Variants in PLCL1 observed in about 807,000 individuals in gnomAD.
PLCL1 encodes phospholipase C like 1 (inactive), also known as inactive phospholipase C-like protein 1.
In PLCL1, 41 loss-of-function variants were observed where a neutral mutation model predicts 84.4. The ratio of observed to expected loss-of-function variants is 0.49; its 90% CI spans 0.38 to 0.63. The LOEUF (loss-of-function observed/expected upper bound fraction) is 0.63. PLCL1 is among the 30% of genes least tolerant of loss of function. The pLI is 0.00. For missense variants in PLCL1, 1,206 were observed against 1,367.8 expected (o/e 0.88, Z 1.87); for synonymous variants, 490 against 488.3 (o/e 1.00, Z -0.05).
intron 1 of PLCL1, among the ~76,000 whole-genome samples, chr2:197,809,210 G>C (rs1390529528): frequency 6.6e-6 from 1 of 152,142 alleles, no homozygotes; most frequent in African/African-American, 2.4e-5. Flanking sequence ...AGGAGCTTTC[G>C]TACGTTTGTA....
chr2:198,114,637 C>T (rs1364543672), intron 5 of PLCL1, among the ~76,000 whole-genome samples: 1 of 151,734 alleles, frequency 6.6e-6, no homozygotes, highest in Non-Finnish European at 1.5e-5. Context: ...ACATTGATAA[C>T]CAAATTGTTT....
intron 1 of PLCL1, among the ~76,000 whole-genome samples, chr2:198,030,652 A>C (rs1473663492): frequency 1.3e-5 from 2 of 152,190 alleles, no homozygotes; most frequent in African/African-American, 2.4e-5. Flanking sequence ...CATGTCATTA[A>C]TGCTGTTAGT....
At chr2:197,962,268 T>C (rs567896326) in intron 1 of PLCL1, among the ~76,000 whole-genome samples, 100 of 152,130 alleles carry the variant, frequency 6.6e-4, no homozygotes, top group African/African-American at 2.3e-3. Flanking sequence ...CCACTTGCAG[T>C]TTGGGACATT....
At chr2:198,127,081 C>T (rs1694006941) in intron 5 of PLCL1, among the ~76,000 whole-genome samples, 1 of 151,904 alleles carries the variant, frequency 6.6e-6, no homozygotes, top group South Asian at 2.1e-4. Flanking sequence ...TTCTCTCTCC[C>T]ATGTTATTTC....
Position 198,083,923 on chromosome 2 carries a change from A to G in PLCL1, c.406A>G (p.Thr136Ala). 6.2e-7 allele frequency: 1 copy of G among 1,614,126 alleles called. No individual in the cohort carries two copies. The highest frequency in any genetic ancestry group is 8.5e-7 in the Non-Finnish European group (1 of 1,179,994). Residue 136 changes from threonine to alanine, a missense_variant, in exon 2 of 6, where the codon ACT becomes GCT. Physicochemically the swap from Thr to Ala is moderately conservative, Grantham distance 58 (BLOSUM62 0). Transcript: ENST00000428675. ...PNSRIYNRFFTLDTDLQALRW... is the reference protein window; with the variant it reads ...PNSRIYNRFFALDTDLQALRW... Reference sequence around the variant, plus strand: ...TTCTCGCATTTACAACCGTTTTTTCACTCTGGACACAGACCTTCAAGCTCT... The same window carrying G: ...TTCTCGCATTTACAACCGTTTTTTCGCTCTGGACACAGACCTTCAAGCTCT...
intron 1 of PLCL1, among the ~76,000 whole-genome samples, chr2:197,847,729 T>G (rs1413991378): frequency 6.6e-6 from 1 of 152,220 alleles, no homozygotes. Flanking sequence ...TTCTGAATAA[T>G]GCAAAGGAGA....
intron 1 of PLCL1, among the ~76,000 whole-genome samples, chr2:197,948,113 T>C (rs2105780232): frequency 6.6e-6 from 1 of 152,142 alleles, no homozygotes; most frequent in South Asian, 2.1e-4. Flanking sequence ...TGATGAGAAA[T>C]GAGAAACAGG....
chr2:197,973,261 C>A (rs535167415), intron 1 of PLCL1, among the ~76,000 whole-genome samples: 16 of 152,184 alleles, frequency 1.1e-4, no homozygotes, highest in Non-Finnish European at 2.2e-4. Context: ...TTACCACCGT[C>A]TTTCCTTATG....
rs1200397391 is a variant in PLCL1 at position 198,146,852 on chromosome 2, C to G, written c.3178C>G (p.Leu1060Val). 8.1e-6 allele frequency: 13 copies of G among 1,613,544 alleles called. No homozygotes were observed. Among genetic ancestry groups the G allele is most frequent in the Admixed American group, 6.7e-5 (4 of 59,926 alleles). Residue 1060 changes from leucine (L) to valine (V), a missense_variant, in exon 6 of 6, where the codon CTG becomes GTG. Transcript: ENST00000428675. Reference protein sequence around the residue: ...ENMKQIQLACLSCGLSKAPSS... With the variant: ...ENMKQIQLACVSCGLSKAPSS... ...CATGAAGCAGATCCAGCTGGCATGC[C>G]TGTCCTGTGGACTGAGTAAAGCCCC...
chr2:197,953,969 A>G (rs1034324127), intron 1 of PLCL1, among the ~76,000 whole-genome samples: 1 of 152,042 alleles, frequency 6.6e-6, no homozygotes, highest in African/African-American at 2.4e-5. Flanking sequence ...AACAATACAC[A>G]TCTCCATGAT....
intron 1 of PLCL1, among the ~76,000 whole-genome samples, chr2:197,846,248 G>A (rs1449471653): frequency 6.6e-6 from 1 of 152,100 alleles, no homozygotes; most frequent in Non-Finnish European, 1.5e-5. Context: ...TATTTGATAA[G>A]TACAGGAAAT....
chr2:198,007,803 A>G (rs1690765162), intron 1 of PLCL1, among the ~76,000 whole-genome samples: 1 of 152,092 alleles, frequency 6.6e-6, no homozygotes, highest in Non-Finnish European at 1.5e-5. Flanking sequence ...TATAATTTAC[A>G]CCCTGACTGT....
chr2:197,943,349 A>G (rs549627796), intron 1 of PLCL1, among the ~76,000 whole-genome samples: 27 of 152,196 alleles, frequency 1.8e-4, no homozygotes, highest in East Asian at 5.8e-4. Context: ...AAATACTTCT[A>G]TAAGACACAC....
chr2:197,850,154 G>GT (rs1559024647), intron 1 of PLCL1, among the ~76,000 whole-genome samples: 2 of 151,872 alleles, frequency 1.3e-5, no homozygotes, highest in African/African-American at 4.8e-5. Context: ...CCTTTCCAAG[G>GT]TTTAGCAATT....
Position 198,007,515 on chromosome 2 carries a change from T to C in PLCL1, c.241-76243T>C, listed in dbSNP as rs571304784. Among the ~76,000 whole-genome samples the C allele has an allele frequency of 5.3e-3, 802 of 152,272 alleles. 5 individuals carry two copies. Among genetic ancestry groups the C allele is most frequent in the Admixed American group, 8.4e-3 (128 of 15,284 alleles). On this transcript the variant is annotated intron_variant, in intron 1 of 5. Transcript: ENST00000428675. Reference sequence around the variant, plus strand: ...ATTAAAAAATAGCTAATTTACAATATTACAGGCACAAGGGAGCCCACTGAT... The same window carrying C: ...ATTAAAAAATAGCTAATTTACAATACTACAGGCACAAGGGAGCCCACTGAT...
At chr2:197,871,072 G>C (rs1186093333) in intron 1 of PLCL1, among the ~76,000 whole-genome samples, 1 of 152,062 alleles carries the variant, frequency 6.6e-6, no homozygotes, top group Non-Finnish European at 1.5e-5. Context: ...GATACTTCCT[G>C]GGTCTAATGC....
chr2:197,910,324 T>C (rs1459095048), intron 1 of PLCL1, among the ~76,000 whole-genome samples: 1 of 152,200 alleles, frequency 6.6e-6, no homozygotes, highest in Non-Finnish European at 1.5e-5. Context: ...ACTGTACCAT[T>C]CTCAGAGGAC....
chr2:197,876,348 G>T (rs1449306530), intron 1 of PLCL1, among the ~76,000 whole-genome samples: 1 of 152,082 alleles, frequency 6.6e-6, no homozygotes, highest in Non-Finnish European at 1.5e-5. Flanking sequence ...TTTGGAGGAG[G>T]GGATCCCGGA....
Position 197,973,420 on chromosome 2 carries a change from G to A in PLCL1, c.241-110338G>A, listed in dbSNP as rs1489805271. Among the ~76,000 whole-genome samples the A allele has an allele frequency of 5.9e-5, 9 of 152,150 alleles. No individual in the cohort carries two copies. The East Asian group carries it at 1.7e-3, about 29-fold the overall frequency. ...CATAATTCAATTGAAGAACATTTAT[G>A]TATAGTTTATTCATGAATCCTACAT... is the stretch of plus-strand genomic sequence containing the variant. On this transcript the variant is annotated intron_variant, in intron 1 of 5. Transcript: ENST00000428675.
Sources: gnomAD v4.1 joint callset for allele counts (sites outside exome capture counted in the v4.1 genomes callset) on GRCh38, gnomAD v4.1.1 for gene constraint, MANE v1.5 for transcripts, NCBI Gene and HGNC (gene_info 2026-07-23, HGNC 2026-07-21) for gene names.